The following CELF2 variants were observed in gnomAD, a reference collection of about 807,000 sequenced individuals.
The protein encoded by CELF2 is CUGBP Elav-like family member 2.
In CELF2, 8 loss-of-function variants were observed where a neutral mutation model predicts 62.6. That is an observed-to-expected ratio of 0.13 (90% CI 0.07 to 0.23). The LOEUF (loss-of-function observed/expected upper bound fraction) is 0.23. Ranked by LOEUF, CELF2 falls within the 10% of genes least tolerant of loss-of-function variation. The pLI, the probability that CELF2 is intolerant of heterozygous loss-of-function variation, is 1.00. For synonymous variants in CELF2, 258 were observed against 250.0 expected (o/e 1.03, Z -0.30); for missense variants, 333 against 671.0 (o/e 0.50, Z 5.56).
rs137944587 is a variant in CELF2 at position 10,907,325 on chromosome 10, T to G, written c.54-12639T>G. On this transcript the variant is annotated intron_variant, in intron 1 of 13. Coordinates refer to the CELF2 transcript ENST00000636488. ...CAGATTTGACAGTTAAAATGAAAATTGTTCCAGAAGAAACTTTAGTCAAAC... is the reference window on the plus strand; with the variant it reads ...CAGATTTGACAGTTAAAATGAAAATGGTTCCAGAAGAAACTTTAGTCAAAC... Among the ~76,000 whole-genome samples, 181 of 152,360 alleles carry G rather than the reference T, an allele frequency of 1.2e-3. 2 individuals carry two copies. The highest frequency in any genetic ancestry group is 2.1e-3 in the Non-Finnish European group (146 of 68,026).
Position 11,147,540 on chromosome 10 carries a change from G to A in CELF2, c.75-17946G>A, listed in dbSNP as rs1168551584. On this transcript the variant is annotated intron_variant, in intron 1 of 12. Coordinates refer to ENST00000633077, the MANE Select transcript of CELF2 (RefSeq NM_001326342.2). The stretch of plus-strand genomic sequence containing the variant: ...TTAAAAAATAAAATGCATGTGCAAA[G>A]CTTGTCCCCATAAGCTTTTTGGAGT... Among the ~76,000 whole-genome samples the A allele has an allele frequency of 2.6e-5, 4 of 152,262 alleles. No homozygotes were observed. In the East Asian group the frequency reaches 7.7e-4, roughly 29 times the overall value.
the CELF2 span, among the ~76,000 whole-genome samples, chr10:10,492,206 C>G: frequency 2.4e-3 from 363 of 152,276 alleles, 2 homozygotes; most frequent in African/African-American, 8.4e-3. Flanking sequence ...AACAGACAGC[C>G]TCTGATCACA....
intron 2 of CELF2, among the ~76,000 whole-genome samples, chr10:10,969,885 T>C (rs956400836): frequency 5.9e-5 from 9 of 152,174 alleles, no homozygotes; most frequent in African/African-American, 2.2e-4. Context: ...TGTCATAGTT[T>C]ACCAATGTAC....
At chr10:10,482,344 A>T in the CELF2 span, among the ~76,000 whole-genome samples, 1 of 152,224 alleles carries the variant, frequency 6.6e-6, no homozygotes, top group African/African-American at 2.4e-5. Context: ...AATTTAAAAT[A>T]CGTGAAAAGT....
intron 1 of CELF2, among the ~76,000 whole-genome samples, chr10:10,820,767 CAT>C (rs2056890817): frequency 6.6e-6 from 1 of 152,188 alleles, no homozygotes; most frequent in Non-Finnish European, 1.5e-5. Context: ...GGTTAAGCCA[CAT>C]TCAAGGCCGC....
At chr10:11,168,820 G>A (rs900273295) in intron 2 of CELF2, 2 of 152,088 alleles carry the variant, frequency 1.3e-5, no homozygotes, top group Non-Finnish European at 2.9e-5. Context: ...TTCAGGGTTC[G>A]AGCCTGAGAT....
At chr10:10,624,861 A>G in the CELF2 span, among the ~76,000 whole-genome samples, 12 of 152,306 alleles carry the variant, frequency 7.9e-5, no homozygotes, top group South Asian at 2.1e-4. Flanking sequence ...CAAGAAACAG[A>G]TTCACAGGGA....
At chr10:10,749,960 C>G in the CELF2 span, among the ~76,000 whole-genome samples, 1 of 152,180 alleles carries the variant, frequency 6.6e-6, no homozygotes, top group East Asian at 1.9e-4. Flanking sequence ...CACCTACCCT[C>G]AATTCAAATG....
At chr10:11,155,166 C>A (rs768973842) in intron 1 of CELF2, among the ~76,000 whole-genome samples, 3 of 152,220 alleles carry the variant, frequency 2.0e-5, no homozygotes, top group Non-Finnish European at 4.4e-5. Context: ...ATGCTTCTTA[C>A]AACAAGTTAT....
At chr10:10,653,938 T>C in the CELF2 span, among the ~76,000 whole-genome samples, 2 of 151,878 alleles carry the variant, frequency 1.3e-5, no homozygotes, top group African/African-American at 4.8e-5. Context: ...AGCTGGTTTT[T>C]TGAAAGGATC....
intron 1 of CELF2, among the ~76,000 whole-genome samples, chr10:10,852,539 A>G (rs2059448104): frequency 6.6e-6 from 1 of 152,204 alleles, no homozygotes; most frequent in African/African-American, 2.4e-5. Context: ...TGGGTGGTAG[A>G]TACACAATCC....
Position 11,297,483 on chromosome 10 carries a change from G to A in CELF2, c.976+8931G>A, listed in dbSNP as rs2093316516. ...CAGGGGATGGAAAGGGAGCTTTCTG[G>A]GTAGCACAGTGTCAGGGGAGCCAAG... is the stretch of plus-strand genomic sequence containing the variant. On this transcript the variant is annotated intron_variant, in intron 9 of 12. Transcript: ENST00000633077. This position sits in a 1 kb window ranked among gnomAD's most constrained non-coding sequence, Gnocchi z 4.4. Among the ~76,000 whole-genome samples, 1 of 152,064 alleles carries A rather than the reference G, an allele frequency of 6.6e-6. No individual in the cohort carries two copies. Among genetic ancestry groups the A allele is most frequent in the African/African-American group, 2.4e-5 (1 of 41,398 alleles).
chr10:11,138,531 C>T (rs1250693725), intron 1 of CELF2, among the ~76,000 whole-genome samples: 1 of 152,198 alleles, frequency 6.6e-6, no homozygotes, highest in Non-Finnish European at 1.5e-5. Flanking sequence ...CTATGACACA[C>T]ACAGGATCGG....
rs1350599437 is a variant in CELF2 at position 11,334,090 on chromosome 10, G to GTTT, written c.*5038_*5039insTTT. 1 of 152,530 alleles carries GTTT rather than the reference G, an allele frequency of 6.6e-6. No individual in the cohort carries two copies. The highest frequency in any genetic ancestry group is 2.4e-5 in the African/African-American group (1 of 41,402). 9.4% of individuals were successfully genotyped at this position (152,530 alleles called of 1,614,324 possible). ...AGAATTTTGTCTTAAAATAACAGCG[G>GTTT]TAAGTTTCACTTTTTATTCTGTATT... is the stretch of plus-strand genomic sequence containing the variant. On this transcript the variant is annotated 3_prime_UTR_variant, in exon 13 of 13. Coordinates refer to ENST00000633077, the MANE Select transcript of CELF2 (RefSeq NM_001326342.2).
At chr10:10,916,924 T>C (rs2064391780) in intron 1 of CELF2, among the ~76,000 whole-genome samples, 1 of 151,562 alleles carries the variant, frequency 6.6e-6, no homozygotes, top group South Asian at 2.1e-4. Context: ...GGAATTTCCT[T>C]CTTCTTCTTC....
At chr10:11,228,500 C>G (rs1323179907) in intron 3 of CELF2, among the ~76,000 whole-genome samples, 1 of 152,110 alleles carries the variant, frequency 6.6e-6, no homozygotes, top group African/African-American at 2.4e-5. Flanking sequence ...CCTATTTTAA[C>G]TAGATACAAG....
the CELF2 span, among the ~76,000 whole-genome samples, chr10:10,680,440 G>A: frequency 6.6e-5 from 10 of 152,294 alleles, no homozygotes; most frequent in African/African-American, 1.9e-4. Flanking sequence ...TTCCAAGAGC[G>A]AGGCTTCTAG....
chr10:10,681,676 C>T, the CELF2 span, among the ~76,000 whole-genome samples: 1 of 152,110 alleles, frequency 6.6e-6, no homozygotes, highest in Non-Finnish European at 1.5e-5. Flanking sequence ...CAGAGGCTAA[C>T]AGGCTAGATT....
chr10:11,041,125 G>C (rs1301480642), intron 1 of CELF2, among the ~76,000 whole-genome samples: 1 of 152,166 alleles, frequency 6.6e-6, no homozygotes, highest in Admixed American at 6.5e-5. Flanking sequence ...ACCCTCACAT[G>C]GTTCAAAAAA....
Sources: gnomAD v4.1 joint callset for allele counts (sites outside exome capture counted in the v4.1 genomes callset) on GRCh38, gnomAD v4.1.1 for gene constraint, Gnocchi (gnomAD v3.1) non-coding constraint, MANE v1.5 for transcripts, NCBI Gene and HGNC (gene_info 2026-07-23, HGNC 2026-07-21) for gene names.